The following DAPK1 variants were observed in gnomAD, a reference collection of about 807,000 sequenced individuals.
DAPK1 encodes death associated protein kinase 1.
In DAPK1, 56 loss-of-function variants were observed where a neutral mutation model predicts 144.9. The ratio of observed to expected loss-of-function variants is 0.39; its 90% CI spans 0.31 to 0.48. DAPK1 has a LOEUF of 0.48. Ranked by LOEUF, DAPK1 falls within the 20% of genes least tolerant of loss-of-function variation. DAPK1 has a pLI of 0.95. For synonymous variants in DAPK1, 690 were observed against 749.0 expected, an observed-to-expected ratio of 0.92 and a Z score of 1.29; for missense variants, 1,454 against 1,875.4, an observed-to-expected ratio of 0.78 and a Z score of 4.15.
chr9:87,497,655 G>A (rs911957724), upstream of DAPK1: 4 of 171,440 alleles, frequency 2.3e-5, no homozygotes, highest in African/African-American at 9.5e-5. Flanking sequence ...TGTGGGGCGA[G>A]TGGGTGTGTG....
chr9:87,662,201 C>T (rs966158582), intron 18 of DAPK1, among the ~76,000 whole-genome samples: 1 of 151,994 alleles, frequency 6.6e-6, no homozygotes, highest in Non-Finnish European at 1.5e-5. Context: ...TATGTGGGTA[C>T]CATGCTGTTT....
Position 87,663,041 on chromosome 9 carries a change from C to T in DAPK1, c.1923+4914C>T, listed in dbSNP as rs568612100. On this transcript the variant is annotated intron_variant, in intron 18 of 25. Transcript: ENST00000408954. ...CCAGAAGCAATTCCATCCTCCTCTCCTTCAGAACCACCCTTGACCACCAGC... is the reference window on the plus strand; with the variant it reads ...CCAGAAGCAATTCCATCCTCCTCTCTTTCAGAACCACCCTTGACCACCAGC... 4.3e-4 allele frequency among the ~76,000 whole-genome samples: 65 copies of T among 152,134 alleles called. 1 individual carries two copies. Among genetic ancestry groups the T allele is most frequent in the African/African-American group, 1.5e-3 (61 of 41,506 alleles).
At chr9:87,662,571 T>TTTTTTTTTTG (rs1564056396) in intron 18 of DAPK1, among the ~76,000 whole-genome samples, 1 of 121,306 alleles carries the variant, frequency 8.2e-6, no homozygotes, top group African/African-American at 3.0e-5. Flanking sequence ...TTTTTTTTTT[T>TTTTTTTTTTG]TTTTTTTTTT....
chr9:87,510,821 G>A (rs1413362217), intron 2 of DAPK1, among the ~76,000 whole-genome samples: 1 of 144,626 alleles, frequency 6.9e-6, no homozygotes, highest in East Asian at 2.4e-4. Context: ...TGACTTCTGT[G>A]AGATTTAGTT....
intron 2 of DAPK1, among the ~76,000 whole-genome samples, chr9:87,541,353 G>T (rs181846657): frequency 6.6e-6 from 1 of 152,204 alleles, no homozygotes; most frequent in Admixed American, 6.5e-5. Flanking sequence ...TTTGAGACCA[G>T]CCTCGCCAAC....
intron 8 of DAPK1, 30 bp from the exon 9 acceptor site, chr9:87,640,772 C>G (rs199590554): frequency 1.9e-6 from 3 of 1,612,218 alleles, no homozygotes; most frequent in African/African-American, 2.7e-5. Flanking sequence ...ATGGTCACAG[C>G]ATTTTTTTTC....
chr9:87,653,540 C>T (rs1443383028), intron 17 of DAPK1, among the ~76,000 whole-genome samples: 3 of 151,958 alleles, frequency 2.0e-5, no homozygotes, highest in Non-Finnish European at 4.4e-5. Context: ...TGCATGTGAG[C>T]ATGAGGCTCT....
intron 2 of DAPK1, among the ~76,000 whole-genome samples, chr9:87,523,730 G>A (rs928810880): frequency 3.9e-5 from 6 of 152,190 alleles, no homozygotes; most frequent in African/African-American, 9.7e-5. Flanking sequence ...GGCTCCAGGC[G>A]TAGTTTTTCC....
At chr9:87,649,245 A>T (rs1228845968) in intron 15 of DAPK1, among the ~76,000 whole-genome samples, 1 of 152,194 alleles carries the variant, frequency 6.6e-6, no homozygotes, top group African/African-American at 2.4e-5. Flanking sequence ...GAACACACAC[A>T]GTCTGGTTTC....
chr9:87,501,554 A>G (rs1824400100), intron 2 of DAPK1, among the ~76,000 whole-genome samples: 1 of 151,458 alleles, frequency 6.6e-6, no homozygotes, highest in Non-Finnish European at 1.5e-5. Context: ...CAAAAAAAAA[A>G]GAAAGAAAAA....
intron 2 of DAPK1, among the ~76,000 whole-genome samples, chr9:87,578,727 T>C (rs1827646854): frequency 6.6e-6 from 1 of 152,254 alleles, no homozygotes; most frequent in African/African-American, 2.4e-5. Flanking sequence ...TTCGTGCCCT[T>C]GACCTCTAGC....
chr9:87,666,529 A>G (rs1204349270), intron 18 of DAPK1, among the ~76,000 whole-genome samples: 1 of 148,710 alleles, frequency 6.7e-6, no homozygotes, highest in Non-Finnish European at 1.5e-5. Context: ...GCTGGAGTGC[A>G]GTGGCACGAT....
In DAPK1 at chr9:87,650,111, G is replaced by A. The variant is rs56327474; in HGVS notation, c.1619G>A (p.Cys540Tyr). ...LAEHGADLNA[C>Y]DKDGHIALHL... ...GAACATGGAGCCGACCTTAATGCTTGCGACAAGGTGCCTTATGGGGGAAGA... is the reference window on the plus strand; with the variant it reads ...GAACATGGAGCCGACCTTAATGCTTACGACAAGGTGCCTTATGGGGGAAGA... The change falls in exon 16 of 26, where the codon TGC becomes TAC. Residue 540 changes from cysteine to tyrosine, a missense_variant. Cys to Tyr is a radical substitution (Grantham distance 194). Around this residue, in one of 2 missense-constraint regions of DAPK1, gnomAD observed 1,025 missense variants for 1,237.9 expected, o/e 0.83. Coordinates refer to ENST00000408954, the MANE Select transcript of DAPK1 (RefSeq NM_004938.4). The A allele has an allele frequency of 5.6e-6, 9 of 1,614,040 alleles. No individual in the cohort carries two copies. The East Asian group carries it at 8.9e-5, about 16-fold the overall frequency.
intron 2 of DAPK1, among the ~76,000 whole-genome samples, chr9:87,552,628 G>C (rs1826537610): frequency 6.6e-6 from 1 of 151,656 alleles, no homozygotes; most frequent in Admixed American, 6.6e-5. Context: ...GTCTTGCTCT[G>C]TCACCCAGGC....
Position 87,650,613 on chromosome 9 carries a change from A to G in DAPK1, c.1626+495A>G, listed in dbSNP as rs1830412380. On this transcript the variant is annotated intron_variant, in intron 16 of 25. Coordinates refer to ENST00000408954, the MANE Select transcript of DAPK1 (RefSeq NM_004938.4). ...GTTTTTATTGTGATCTGTACTTAAA[A>G]CAAGCCTGTGATGTTGCTATATACG... 16 of 179,930 alleles carry G rather than the reference A, an allele frequency of 8.9e-5. No individual in the cohort carries two copies. In the South Asian group the frequency reaches 1.8e-3, roughly 20 times the overall value. The allele number at this position is 179,930 out of a possible 1,614,324, so 11.1% of individuals were successfully genotyped here. A position where few individuals can be genotyped will look rare whatever the true frequency, so the allele number is the denominator to read the frequency against.
intron 21 of DAPK1, among the ~76,000 whole-genome samples, chr9:87,696,339 A>T (rs1825259715): frequency 6.6e-6 from 1 of 152,152 alleles, no homozygotes; most frequent in Non-Finnish European, 1.5e-5. Context: ...AGGTGCAGAC[A>T]TAAGTAGAAA....
intron 2 of DAPK1, among the ~76,000 whole-genome samples, chr9:87,543,524 ATGAC>A (rs1826129888): frequency 6.6e-6 from 1 of 152,228 alleles, no homozygotes; most frequent in Non-Finnish European, 1.5e-5. Context: ...ATCAGCCAAA[ATGAC>A]TCAGGATTAT....
intron 2 of DAPK1, among the ~76,000 whole-genome samples, chr9:87,499,795 G>C (rs1370948935): frequency 6.6e-6 from 1 of 152,190 alleles, no homozygotes; most frequent in Non-Finnish European, 1.5e-5. Context: ...GTGATTCTCA[G>C]TGTAAAATCT....
At chr9:87,507,455 T>C (rs1454000842) in intron 2 of DAPK1, among the ~76,000 whole-genome samples, 1 of 152,226 alleles carries the variant, frequency 6.6e-6, no homozygotes, top group Non-Finnish European at 1.5e-5. Context: ...TCTGCTCGCC[T>C]CAGCCTCCCA....
Sources: gnomAD v4.1 joint callset for allele counts (sites outside exome capture counted in the v4.1 genomes callset) on GRCh38, gnomAD v4.1.1 for gene constraint, gnomAD v4.1.1 regional missense constraint, MANE v1.5 for transcripts, NCBI Gene and HGNC (gene_info 2026-07-23, HGNC 2026-07-21) for gene names.